The following TATDN1 variants were observed in gnomAD, a reference collection of about 807,000 sequenced individuals.
TATDN1 encodes the protein TatD DNase domain containing 1.
A neutral mutation model predicts 46.4 loss-of-function variants in TATDN1; 40 were observed. The observed-to-expected ratio is 0.86, with a 90% confidence interval of 0.67 to 1.12. TATDN1 has a LOEUF of 1.12. Among genes scored for constraint, TATDN1 ranks in the 50% most tolerant of loss-of-function variants. The pLI, the probability that TATDN1 is intolerant of heterozygous loss-of-function variation, is 0.00. For synonymous variants in TATDN1, 95 were observed against 105.6 expected (o/e 0.90, Z 0.62); for missense variants, 326 against 348.4 (o/e 0.94, Z 0.51).
At chr8:124,498,057 G>T (rs571562866) in intron 9 of TATDN1, among the ~76,000 whole-genome samples, 166 of 152,142 alleles carry the variant, frequency 1.1e-3, no homozygotes, top group African/African-American at 3.8e-3. Context: ...ACTATGTTGG[G>T]TCGCACTGGG....
At chr8:124,517,437 A>G (rs553480403) in intron 4 of TATDN1, among the ~76,000 whole-genome samples, 1 of 152,196 alleles carries the variant, frequency 6.6e-6, no homozygotes, top group East Asian at 1.9e-4. Context: ...AAAAAAAAAA[A>G]AAAAAGAAAA....
chr8:124,538,891 G>C (rs780250202), intron 1 of TATDN1, 134 bp downstream of exon 1: 86 of 980,106 alleles, frequency 8.8e-5, no homozygotes, highest in Non-Finnish European at 1.2e-4. Context: ...AAACCTCCCC[G>C]CGCCCTCCTC....
intron 11 of TATDN1, among the ~76,000 whole-genome samples, chr8:124,492,866 C>G (rs1235120870): frequency 6.6e-6 from 1 of 151,876 alleles, no homozygotes; most frequent in East Asian, 1.9e-4. Context: ...CAGGGGTCTC[C>G]CTATGTTGCC....
chr8:124,523,492 G>A (rs1189557883), intron 1 of TATDN1: 1 of 152,420 alleles, frequency 6.6e-6, no homozygotes, highest in African/African-American at 2.4e-5. Context: ...CTGCTGGAGA[G>A]AAGAACAATT....
Position 124,491,377 on chromosome 8 carries a change from A to G in TATDN1, c.791+2456T>C, listed in dbSNP as rs78949104. 14 of 152,436 alleles carry G rather than the reference A, an allele frequency of 9.2e-5. No homozygotes were observed. The East Asian group carries it at 2.7e-3, about 29-fold the overall frequency. The allele number at this position is 152,436 out of a possible 1,614,324, so 9.4% of individuals were successfully genotyped here. A position where few individuals can be genotyped will look rare whatever the true frequency, so the allele number is the denominator to read the frequency against. On this transcript the variant is annotated intron_variant, in intron 11 of 11. Coordinates refer to ENST00000276692, the MANE Select transcript of TATDN1 (RefSeq NM_032026.4). ...GCCCTTCTGCAGTCTGCCTTTGCTT[A>G]AGGTGTTTGTTTGTCTTTCTCTGGC...
intron 11 of TATDN1, among the ~76,000 whole-genome samples, chr8:124,492,691 T>C (rs1386294433): frequency 2.0e-5 from 3 of 148,316 alleles, no homozygotes; most frequent in Non-Finnish European, 3.0e-5. Flanking sequence ...GAGGCGGAGA[T>C]TGCAGTGAGC....
intron 9 of TATDN1, among the ~76,000 whole-genome samples, chr8:124,498,490 T>C (rs1186948788): frequency 2.7e-5 from 4 of 146,246 alleles, no homozygotes; most frequent in Non-Finnish European, 4.5e-5. Flanking sequence ...GGGAGTGAGA[T>C]CTTTTCTCTA....
chr8:124,512,719 C>T (rs1819129448), intron 6 of TATDN1, among the ~76,000 whole-genome samples: 1 of 152,154 alleles, frequency 6.6e-6, no homozygotes, highest in Non-Finnish European at 1.5e-5. Flanking sequence ...AACTCAAAGA[C>T]ACCTGTCTGT....
At chr8:124,518,929 TAA>T in intron 3 of TATDN1, 48 bp from the exon 4 acceptor site, 1 of 1,290,394 alleles carries the variant, frequency 7.7e-7, no homozygotes, top group East Asian at 2.3e-5. Flanking sequence ...AGGGCAGCAA[TAA>T]CAGTTTCCTA....
intron 4 of TATDN1, among the ~76,000 whole-genome samples, chr8:124,516,398 G>C (rs1204753683): frequency 1.3e-5 from 2 of 151,846 alleles, no homozygotes; most frequent in Non-Finnish European, 2.9e-5. Context: ...GACCTCCTGG[G>C]CTCAAGCGAT....
intron 3 of TATDN1, chr8:124,521,495 T>C (rs755004999): frequency 2.0e-5 from 3 of 152,154 alleles, no homozygotes; most frequent in Non-Finnish European, 4.4e-5. Flanking sequence ...TAATAACAAA[T>C]AAAAGTTTAG....
Position 124,508,494 on chromosome 8 carries a change from C to T in TATDN1, c.496G>A (p.Asp166Asn), listed in dbSNP as rs995864796. Residue 166 changes from aspartate to asparagine, a missense_variant, in exon 8 of 12, where the codon GAT becomes AAT. Coordinates refer to ENST00000276692, the MANE Select transcript of TATDN1 (RefSeq NM_032026.4). The stretch of plus-strand genomic sequence containing the variant: ...CTTACCACTCCCCCTACACACCGAT[C>T]TCTATTTCTTTTCATTATGTCTGTG... Reference protein sequence around the residue: ...EFLDIMKRNRDRCVGGVVHSF... With the variant: ...EFLDIMKRNRNRCVGGVVHSF... 1 of 1,613,228 alleles carries T rather than the reference C, an allele frequency of 6.2e-7. No homozygotes were observed. Among genetic ancestry groups the T allele is most frequent in the African/African-American group, 1.3e-5 (1 of 75,032 alleles).
chr8:124,508,404 C>T, intron 8 of TATDN1, 70 bp downstream of exon 8: 1 of 1,346,368 alleles, frequency 7.4e-7, no homozygotes, highest in Non-Finnish European at 1.0e-6. Flanking sequence ...GCATTTTGTA[C>T]TTGGGAGTAT....
At chr8:124,516,792 C>G (rs150604562) in intron 4 of TATDN1, among the ~76,000 whole-genome samples, 270 of 152,312 alleles carry the variant, frequency 1.8e-3, no homozygotes, top group African/African-American at 5.7e-3. Flanking sequence ...GTTTTTCTAG[C>G]AAGTAAATGA....
rs1479296147 is a variant in TATDN1 at position 124,495,796 on chromosome 8, C to A, written c.594-254G>T. On this transcript the variant is annotated intron_variant, in intron 9 of 11. Transcript: ENST00000276692. Reference sequence around the variant, plus strand: ...GTTTCCAATAGCGTTCTATATCAGTCTAAGTAAAATTTAACTTTTTAAAAG... The same window carrying A: ...GTTTCCAATAGCGTTCTATATCAGTATAAGTAAAATTTAACTTTTTAAAAG... 2.0e-5 allele frequency among the ~76,000 whole-genome samples: 3 copies of A among 152,192 alleles called. No homozygotes were observed. In the East Asian group the frequency reaches 5.8e-4, roughly 29 times the overall value.
chr8:124,513,647 G>A (rs925283191), intron 6 of TATDN1, among the ~76,000 whole-genome samples: 2 of 152,184 alleles, frequency 1.3e-5, no homozygotes, highest in African/African-American at 4.8e-5. Flanking sequence ...AACTGATACT[G>A]TCAATGTTTT....
intron 3 of TATDN1, among the ~76,000 whole-genome samples, chr8:124,519,662 T>C (rs977049290): frequency 5.9e-5 from 9 of 152,158 alleles, no homozygotes; most frequent in African/African-American, 2.2e-4. Flanking sequence ...GGGTCCTCAA[T>C]AATAAAGAAT....
chr8:124,528,293 C>T (rs564018352), intron 1 of TATDN1, among the ~76,000 whole-genome samples: 97 of 152,298 alleles, frequency 6.4e-4, no homozygotes, highest in African/African-American at 2.2e-3. Context: ...CCTGCCTCGG[C>T]CTCCCAAGTA....
intron 1 of TATDN1, chr8:124,538,194 T>A (rs1437112439): frequency 1.3e-5 from 2 of 152,266 alleles, no homozygotes; most frequent in Non-Finnish European, 2.9e-5. Flanking sequence ...CTACCGGCCA[T>A]GAACACTCAG....
Sources: allele counts gnomAD v4.1 joint callset (sites outside exome capture counted in the v4.1 genomes callset), GRCh38; gene constraint gnomAD v4.1.1; transcripts MANE v1.5; gene names NCBI Gene and HGNC (gene_info 2026-07-23, HGNC 2026-07-21).